The following SYNE2 variants were observed in gnomAD, a reference collection of about 807,000 sequenced individuals.
SYNE2 encodes nesprin-2.
SYNE2 carries 431 observed loss-of-function variants against 856.3 expected under a neutral mutation model. The ratio of observed to expected loss-of-function variants is 0.50; its 90% CI spans 0.47 to 0.55. SYNE2 has a LOEUF of 0.55. Among genes scored for constraint, SYNE2 ranks in the 20% least tolerant of loss-of-function variants. The pLI is 0.00. For missense variants in SYNE2, 8,129 were observed against 8,023.2 expected (o/e 1.01, Z -0.50); for synonymous variants, 2,923 against 2,872.3 (o/e 1.02, Z -0.56).
chr14:63,990,333 T>C (rs2096657549), intron 19 of SYNE2, 78 bp from the exon 20 acceptor site: 2 of 1,459,182 alleles, frequency 1.4e-6, no homozygotes, highest in South Asian at 2.5e-5. Flanking sequence ...CTTTTTTGGT[T>C]TCCTGAGATT....
intron 45 of SYNE2, among the ~76,000 whole-genome samples, chr14:64,037,932 G>T (rs2097109117): frequency 6.6e-6 from 1 of 151,584 alleles, no homozygotes; most frequent in Non-Finnish European, 1.5e-5. Context: ...GGCTGGCCGG[G>T]CGGGGGGCTG....
In SYNE2 at chr14:64,214,176, C is replaced by G. The variant is rs777469510; in HGVS notation, c.19057-18C>G. 7.4e-6 allele frequency: 12 copies of G among 1,614,090 alleles called. No individual in the cohort carries two copies. Among genetic ancestry groups the G allele is most frequent in the Admixed American group, 1.7e-5 (1 of 60,010 alleles). The stretch of plus-strand genomic sequence containing the variant: ...CCTATGAGTTGATTAATTCTAACAA[C>G]TGGATACTGTGGTTTAGGGCTTGGA... On this transcript the variant is annotated intron_variant, in intron 105 of 115. Transcript: ENST00000555002.
At chr14:63,785,603 G>A (rs1407541311) in intron 1 of SYNE2, among the ~76,000 whole-genome samples, 2 of 152,174 alleles carry the variant, frequency 1.3e-5, no homozygotes, top group Non-Finnish European at 2.9e-5. Flanking sequence ...TGAATTGCTT[G>A]AAGGAATTGG....
At chr14:63,905,885 G>C (rs1030488605) in intron 1 of SYNE2, among the ~76,000 whole-genome samples, 1 of 152,120 alleles carries the variant, frequency 6.6e-6, no homozygotes, top group Admixed American at 6.6e-5. Context: ...TGACTCTCAG[G>C]GGGAATTGTT....
intron 1 of SYNE2, among the ~76,000 whole-genome samples, chr14:63,896,915 T>G (rs1298070419): frequency 1.3e-5 from 2 of 152,146 alleles, no homozygotes; most frequent in South Asian, 2.1e-4. Context: ...CCTTAGCATG[T>G]TTTTGTTCTT....
chr14:63,985,865 A>G (rs1322341143), intron 18 of SYNE2, among the ~76,000 whole-genome samples: 2 of 152,136 alleles, frequency 1.3e-5, no homozygotes, highest in Non-Finnish European at 2.9e-5. Context: ...AAACTTAGCT[A>G]GACGTAGTGG....
At chr14:64,183,372 G>A (rs1256920058) in intron 96 of SYNE2, among the ~76,000 whole-genome samples, 1 of 146,980 alleles carries the variant, frequency 6.8e-6, no homozygotes, top group Admixed American at 6.8e-5. Context: ...GCCGGGCAGA[G>A]ATGCTCCTCA....
In SYNE2 at chr14:64,224,989, T is replaced by C; in HGVS notation, c.20470-10T>C. 1.2e-6 allele frequency: 2 copies of C among 1,613,856 alleles called. No homozygotes were observed. The highest frequency in any genetic ancestry group is 1.7e-6 in the Non-Finnish European group (2 of 1,179,846). ...TTCAACTTACTAACTGGAGTTTCTT[T>C]ACCCAGCAGTTCAGAGCAGTGAGAA... On this transcript the variant is annotated splice_polypyrimidine_tract_variant and intron_variant, in intron 114 of 115. Coordinates refer to ENST00000555002, the MANE Select transcript of SYNE2 (RefSeq NM_182914.3).
In SYNE2 at chr14:64,208,754, A is replaced by T; in HGVS notation, c.18202-4A>T. On this transcript the variant is annotated splice_region_variant and splice_polypyrimidine_tract_variant and intron_variant, in intron 100 of 115. Coordinates refer to ENST00000555002, the MANE Select transcript of SYNE2 (RefSeq NM_182914.3). ...AGAGGTTTCTTACTCTGTTGTAATC[A>T]CAGGATCTACAGCGAGATATTGAAC... The T allele has an allele frequency of 6.2e-7, 1 of 1,614,194 alleles. No individual in the cohort carries two copies. The highest frequency in any genetic ancestry group is 8.5e-7 in the Non-Finnish European group (1 of 1,180,032).
chr14:63,882,970 T>G (rs1173009765), intron 1 of SYNE2, among the ~76,000 whole-genome samples: 1 of 149,940 alleles, frequency 6.7e-6, no homozygotes, highest in Non-Finnish European at 1.5e-5. Context: ...TATAAATGCT[T>G]AGTGCATAGT....
At chr14:63,890,063 T>C (rs1265970379) in intron 1 of SYNE2, among the ~76,000 whole-genome samples, 1 of 147,314 alleles carries the variant, frequency 6.8e-6, no homozygotes, top group East Asian at 2.0e-4. Flanking sequence ...CTTTTTTTTT[T>C]TTTTTTTTTT....
chr14:64,115,492 G>C lies in SYNE2; in HGVS notation c.12840+1921G>C, dbSNP rs2097847325. Reference sequence around the variant, plus strand: ...CTGGGTCAGAGAGCGCCGAAGGGCAGCAGAGGCTTGGGATTTTTTTATAGC... The same window carrying C: ...CTGGGTCAGAGAGCGCCGAAGGGCACCAGAGGCTTGGGATTTTTTTATAGC... On this transcript the variant is annotated intron_variant, in intron 66 of 115. Transcript: ENST00000555002. 2.0e-5 allele frequency among the ~76,000 whole-genome samples: 3 copies of C among 152,206 alleles called. 1 individual carries two copies. In the South Asian group the frequency reaches 6.2e-4, roughly 32 times the overall value.
intron 10 of SYNE2, among the ~76,000 whole-genome samples, 184 bp downstream of exon 10, chr14:63,964,184 T>C (rs1198660010): frequency 6.6e-6 from 1 of 152,276 alleles, no homozygotes; most frequent in South Asian, 2.1e-4. Flanking sequence ...GGTAGTCCTG[T>C]TAAAATGCAC....
intron 1 of SYNE2, among the ~76,000 whole-genome samples, chr14:63,805,492 T>C (rs1285538734): frequency 2.0e-5 from 3 of 152,170 alleles, no homozygotes; most frequent in African/African-American, 7.2e-5. Flanking sequence ...GTTCACGCCA[T>C]TCTCCTGCCT....
intron 62 of SYNE2, 132 bp downstream of exon 62, chr14:64,098,278 C>T: frequency 1.0e-6 from 1 of 984,236 alleles, no homozygotes; most frequent in South Asian, 1.4e-5. Flanking sequence ...AGTGGAAATA[C>T]TCAACCTGAG....
intron 1 of SYNE2, among the ~76,000 whole-genome samples, chr14:63,908,049 T>C (rs1217771975): frequency 6.6e-6 from 1 of 152,156 alleles, no homozygotes; most frequent in African/African-American, 2.4e-5. Flanking sequence ...AGGGACTGTT[T>C]AATGATTCTT....
At chr14:63,766,828 C>A (rs572654697) in intron 1 of SYNE2, among the ~76,000 whole-genome samples, 3 of 152,004 alleles carry the variant, frequency 2.0e-5, no homozygotes, top group Non-Finnish European at 4.4e-5. Flanking sequence ...TCTTTGTTAG[C>A]GGAATCACTT....
chr14:63,967,685 T>C, intron 10 of SYNE2, 24 bp from the exon 11 acceptor site: 1 of 1,611,118 alleles, frequency 6.2e-7, no homozygotes, highest in Non-Finnish European at 8.5e-7. Context: ...ATTTTCAATC[T>C]TTAAAATACT....
intron 1 of SYNE2, among the ~76,000 whole-genome samples, chr14:63,809,465 T>G (rs1888527232): frequency 6.6e-6 from 1 of 152,196 alleles, no homozygotes; most frequent in African/African-American, 2.4e-5. Flanking sequence ...GATCCTATAA[T>G]CAAGTGGGGT....
Sources: allele counts gnomAD v4.1 joint callset (sites outside exome capture counted in the v4.1 genomes callset), GRCh38; gene constraint gnomAD v4.1.1; transcripts MANE v1.5; gene names NCBI Gene and HGNC (gene_info 2026-07-23, HGNC 2026-07-21).